Variants in NMNAT2 observed in about 807,000 individuals in gnomAD.
NMNAT2 encodes the protein nicotinamide nucleotide adenylyltransferase 2.
NMNAT2 carries 11 observed loss-of-function variants against 41.6 expected under a neutral mutation model. The observed-to-expected ratio is 0.26, with a 90% CI of 0.17 to 0.44. The LOEUF is 0.44. NMNAT2 is among the 20% of genes least tolerant of loss of function. NMNAT2 has a pLI of 1.00. For missense variants in NMNAT2, 288 were observed against 407.7 expected (o/e 0.71, Z 2.53); for synonymous variants, 148 against 151.2 (o/e 0.98, Z 0.16).
At chr1:183,372,784 T>C (rs560917090) in intron 1 of NMNAT2, among the ~76,000 whole-genome samples, 1 of 152,332 alleles carries the variant, frequency 6.6e-6, no homozygotes, top group South Asian at 2.1e-4. Context: ...CTTCAAGGCA[T>C]GTTGTTATAG....
chr1:183,414,267 A>C (rs1475274469), intron 1 of NMNAT2, among the ~76,000 whole-genome samples: 1 of 152,232 alleles, frequency 6.6e-6, no homozygotes, highest in Non-Finnish European at 1.5e-5. Context: ...ATATCTACAA[A>C]TTAAAATAGA....
intron 1 of NMNAT2, among the ~76,000 whole-genome samples, chr1:183,322,106 T>C (rs1360966835): frequency 1.3e-5 from 2 of 152,128 alleles, no homozygotes; most frequent in Non-Finnish European, 2.9e-5. Flanking sequence ...ATTATAGACA[T>C]GAGCCACCGC....
chr1:183,276,444 G>T (rs1266165057), intron 8 of NMNAT2, among the ~76,000 whole-genome samples: 1 of 152,226 alleles, frequency 6.6e-6, no homozygotes, highest in Non-Finnish European at 1.5e-5. Context: ...ATTTTGGAGA[G>T]AAGTTAGAGG....
At chr1:183,278,462 G>A in intron 8 of NMNAT2, 91 bp downstream of exon 8, 1 of 809,258 alleles carries the variant, frequency 1.2e-6, no homozygotes, top group Non-Finnish European at 2.1e-6. Context: ...TAGAAGCTCA[G>A]AAGAAGTGAA....
intron 1 of NMNAT2, among the ~76,000 whole-genome samples, chr1:183,412,660 G>A (rs11577151): frequency 0.079 from 11,985 of 152,292 alleles, 507 homozygotes; most frequent in Admixed American, 0.11. Flanking sequence ...GATGGAGAGA[G>A]GTTGTTGGTC....
chr1:183,307,385 C>T (rs1041531650), intron 1 of NMNAT2, among the ~76,000 whole-genome samples: 11 of 151,382 alleles, frequency 7.3e-5, no homozygotes, highest in Admixed American at 4.6e-4. Flanking sequence ...CGGCTCACTG[C>T]AACCTCTGCC....
chr1:183,297,383 CTTT>C (rs66514054), intron 1 of NMNAT2, among the ~76,000 whole-genome samples: 78,406 of 143,358 alleles, frequency 0.55, 22,052 homozygotes, highest in Non-Finnish European at 0.63. Flanking sequence ...GGAAGGAACC[CTTT>C]TTTTTTTTTT....
At chr1:183,386,097 T>A (rs1201322042) in intron 1 of NMNAT2, among the ~76,000 whole-genome samples, 4 of 152,174 alleles carry the variant, frequency 2.6e-5, no homozygotes, top group Non-Finnish European at 5.9e-5. Flanking sequence ...TTGTTGTGTT[T>A]GTTTTTGTTT....
At chr1:183,261,428 C>A in intron 8 of NMNAT2, 125 bp from the exon 9 acceptor site, 1 of 812,116 alleles carries the variant, frequency 1.2e-6, no homozygotes, top group South Asian at 1.5e-5. Flanking sequence ...AGTCCCAAAC[C>A]GGCCTTCTTC....
chr1:183,316,436 C>T (rs1014155356), intron 1 of NMNAT2, among the ~76,000 whole-genome samples: 4 of 152,146 alleles, frequency 2.6e-5, no homozygotes, highest in African/African-American at 9.7e-5. Context: ...AATCCATGCC[C>T]CCTCACCTCC....
At chr1:183,335,916 A>G (rs967089237) in intron 1 of NMNAT2, among the ~76,000 whole-genome samples, 3 of 152,334 alleles carry the variant, frequency 2.0e-5, no homozygotes, top group African/African-American at 7.2e-5. Flanking sequence ...TGGGCACAGG[A>G]TGATCTCAGG....
intron 1 of NMNAT2, among the ~76,000 whole-genome samples, chr1:183,362,337 G>A (rs1663323311): frequency 6.6e-6 from 1 of 152,108 alleles, no homozygotes. Context: ...TCAGAGTTGT[G>A]CAACCATCAC....
intron 1 of NMNAT2, among the ~76,000 whole-genome samples, chr1:183,370,624 A>C (rs1273892018): frequency 6.6e-6 from 1 of 152,238 alleles, no homozygotes; most frequent in African/African-American, 2.4e-5. Flanking sequence ...GTGCTCGGGC[A>C]CAAGGAATGA....
chr1:183,308,520 C>T (rs569785549), intron 1 of NMNAT2, among the ~76,000 whole-genome samples: 3 of 152,182 alleles, frequency 2.0e-5, no homozygotes, highest in South Asian at 4.2e-4. Flanking sequence ...AGTTCACTTC[C>T]GCATTATTCG....
At chr1:183,346,624 C>T (rs1662934724) in intron 1 of NMNAT2, among the ~76,000 whole-genome samples, 1 of 152,152 alleles carries the variant, frequency 6.6e-6, no homozygotes, top group Non-Finnish European at 1.5e-5. Context: ...AAGGAAGTCT[C>T]CTCTGCTTTA....
intron 1 of NMNAT2, among the ~76,000 whole-genome samples, chr1:183,344,541 T>C (rs1662885520): frequency 6.6e-6 from 1 of 152,240 alleles, no homozygotes; most frequent in South Asian, 2.1e-4. Flanking sequence ...CTCAACACTC[T>C]ACTTAGAGCT....
chr1:183,258,993 T>C (rs1048695992), intron 10 of NMNAT2, among the ~76,000 whole-genome samples: 2 of 152,214 alleles, frequency 1.3e-5, no homozygotes, highest in African/African-American at 4.8e-5. Flanking sequence ...TGAATTACTC[T>C]TTCTCTATTG....
intron 7 of NMNAT2, chr1:183,283,723 G>GT: frequency 6.3e-6 from 3 of 474,388 alleles, no homozygotes; most frequent in Admixed American, 6.7e-5. Flanking sequence ...CAACTTTCAT[G>GT]TTTTTTAGAG....
intron 1 of NMNAT2, among the ~76,000 whole-genome samples, chr1:183,332,954 C>T (rs745637260): frequency 6.6e-6 from 1 of 152,176 alleles, no homozygotes; most frequent in Non-Finnish European, 1.5e-5. Flanking sequence ...GGTGACAGCT[C>T]TCAGAGATGA....
Sources: allele counts gnomAD v4.1 joint callset (sites outside exome capture counted in the v4.1 genomes callset), GRCh38; gene constraint gnomAD v4.1.1; transcripts MANE v1.5; gene names NCBI Gene and HGNC (gene_info 2026-07-23, HGNC 2026-07-21).